The following MSANTD3 variants were observed in gnomAD, a reference collection of about 807,000 sequenced individuals.
MSANTD3 encodes the protein myb/SANT-like DNA-binding domain-containing protein 3.
In MSANTD3, 11 loss-of-function variants were observed where a neutral mutation model predicts 27.7. The ratio of observed to expected loss-of-function variants is 0.40; its 90% CI spans 0.25 to 0.66. The LOEUF is 0.66. Among genes scored for constraint, MSANTD3 ranks in the 30% least tolerant of loss-of-function variants. The pLI is 0.41. For synonymous variants in MSANTD3, 131 were observed against 127.2 expected (o/e 1.03, Z -0.20); for missense variants, 250 against 336.5 (o/e 0.74, Z 2.01).
intron 2 of MSANTD3, among the ~76,000 whole-genome samples, chr9:100,443,395 A>G (rs10114432): frequency 1 from 149,604 of 150,236 alleles, 74,488 homozygotes; most frequent in Middle Eastern, 1. Flanking sequence ...GCAAAACTCC[A>G]TCTCAAAAAA....
intron 1 of MSANTD3, among the ~76,000 whole-genome samples, chr9:100,436,743 G>C (rs766242878): frequency 5.9e-4 from 90 of 152,286 alleles, no homozygotes; most frequent in Non-Finnish European, 1.1e-3. Context: ...CAAGCGGAAT[G>C]CCAGCATTCC....
In MSANTD3 at chr9:100,451,580, T is replaced by C. The variant is rs1003849201; in HGVS notation, c.*614T>C. ...TCTAATGTGGCTCATAAACCACCTT[T>C]TAAGGCCTTTCCTCAAACAGGAGTT... On this transcript the variant is annotated 3_prime_UTR_variant, in exon 3 of 3. Coordinates refer to ENST00000395067, the MANE Select transcript of MSANTD3 (RefSeq NM_080655.3). 1 of 152,076 alleles carries C rather than the reference T, an allele frequency of 6.6e-6. No individual in the cohort carries two copies. The highest frequency in any genetic ancestry group is 2.4e-5 in the African/African-American group (1 of 41,406). The allele number at this position is 152,076 out of a possible 1,614,324, so 9.4% of individuals were successfully genotyped here. A position where few individuals can be genotyped will look rare whatever the true frequency, so the allele number is the denominator to read the frequency against.
At chr9:100,431,696 C>T (rs1389656208) in intron 1 of MSANTD3, among the ~76,000 whole-genome samples, 1 of 152,134 alleles carries the variant, frequency 6.6e-6, no homozygotes, top group Non-Finnish European at 1.5e-5. Context: ...CCTCGGAGCT[C>T]ACCGTCAGAT....
rs1404461102 is a variant in MSANTD3 at position 100,442,150 on chromosome 9, A to G, written c.212A>G (p.Lys71Arg). The G allele has an allele frequency of 1.9e-6, 3 of 1,614,246 alleles. No individual in the cohort carries two copies. The highest frequency in any genetic ancestry group is 1.7e-5 in the Admixed American group (1 of 60,028). The change falls in exon 2 of 3, where the codon AAG (lysine) becomes AGG (arginine). Residue 71 changes from lysine to arginine, a missense_variant. Transcript: ENST00000395067. The stretch of plus-strand genomic sequence containing the variant: ...TCCCTGCGGGATTTCAAACAGCTGA[A>G]GAAGTGCTGGGAGAACATCAAGGCT... ...SVSLRDFKQLKKCWENIKART... is the reference protein window; with the variant it reads ...SVSLRDFKQLRKCWENIKART...
intron 2 of MSANTD3, among the ~76,000 whole-genome samples, chr9:100,446,755 A>C (rs940389669): frequency 6.6e-6 from 1 of 151,496 alleles, no homozygotes; most frequent in African/African-American, 2.4e-5. Context: ...TGAACCCTGG[A>C]GGCGGAGATT....
chr9:100,445,261 T>C (rs747008349), intron 2 of MSANTD3: 2 of 1,301,468 alleles, frequency 1.5e-6, no homozygotes, highest in Admixed American at 1.7e-5. Flanking sequence ...TATAGAGTTA[T>C]GGCCCTCATT....
intron 1 of MSANTD3, among the ~76,000 whole-genome samples, chr9:100,429,945 T>C (rs1836332041): frequency 6.6e-6 from 1 of 152,138 alleles, no homozygotes; most frequent in East Asian, 1.9e-4. Flanking sequence ...TCAGGTGATC[T>C]GCCCACCTTG....
At chr9:100,449,341 A>G (rs139174530) in intron 2 of MSANTD3, among the ~76,000 whole-genome samples, 31 of 152,358 alleles carry the variant, frequency 2.0e-4, no homozygotes, top group African/African-American at 7.2e-4. Context: ...AACATTTACT[A>G]GGCATCCATT....
Position 100,446,825 on chromosome 9 carries a change from TAA to T in MSANTD3, c.419-3718_419-3717del, listed in dbSNP as rs34205662. On this transcript the variant is annotated intron_variant, in intron 2 of 2. Transcript: ENST00000395067. ...CTGGGTGACAGAGCCAGACTTCGTC[TAA>T]AAAAAAAAAAAAAGATCAATTCCCA... Among the ~76,000 whole-genome samples, 29 of 141,526 alleles carry T rather than the reference TAA, an allele frequency of 2.0e-4. 1 individual carries two copies. Among genetic ancestry groups the T allele is most frequent in the Admixed American group, 2.8e-4 (4 of 14,140 alleles). 92.8% of individuals were successfully genotyped at this position (141,526 alleles called of 152,430 possible).
chr9:100,428,576 C>A (rs904650295), intron 1 of MSANTD3, among the ~76,000 whole-genome samples: 4 of 152,000 alleles, frequency 2.6e-5, no homozygotes. Flanking sequence ...CGTAGAGACC[C>A]GGGCTAGGGG....
intron 1 of MSANTD3, among the ~76,000 whole-genome samples, chr9:100,427,918 T>A (rs1193774429): frequency 1.3e-5 from 2 of 151,924 alleles, no homozygotes; most frequent in Non-Finnish European, 2.9e-5. Context: ...GAGCCGGGGC[T>A]ACTGTTTCTG....
At chr9:100,428,363 A>G (rs559454653) in intron 1 of MSANTD3, among the ~76,000 whole-genome samples, 3 of 152,304 alleles carry the variant, frequency 2.0e-5, no homozygotes, top group South Asian at 4.1e-4. Context: ...ATTGTATTCC[A>G]AGGAAATTGC....
intron 1 of MSANTD3, among the ~76,000 whole-genome samples, chr9:100,431,973 G>C (rs771769403): frequency 6.6e-6 from 1 of 152,114 alleles, no homozygotes; most frequent in Non-Finnish European, 1.5e-5. Context: ...GGAAGCCGTG[G>C]GTGGGGATGG....
chr9:100,442,427 C>T, intron 2 of MSANTD3, 71 bp downstream of exon 2: 1 of 1,512,500 alleles, frequency 6.6e-7, no homozygotes, highest in South Asian at 1.3e-5. Flanking sequence ...TTAAAACCCT[C>T]CACTTTGAGG....
intron 1 of MSANTD3, among the ~76,000 whole-genome samples, chr9:100,428,752 T>C (rs963517573): frequency 1.3e-5 from 2 of 152,212 alleles, no homozygotes; most frequent in African/African-American, 4.8e-5. Flanking sequence ...ATGGGGATGC[T>C]TGCCAGCCCT....
At chr9:100,445,757 C>A (rs1836738787) in intron 2 of MSANTD3, among the ~76,000 whole-genome samples, 1 of 152,158 alleles carries the variant, frequency 6.6e-6, no homozygotes, top group Non-Finnish European at 1.5e-5. Context: ...CTCCCTGCAA[C>A]TACTTTTTGG....
chr9:100,439,502 AT>A (rs963153066), intron 1 of MSANTD3, among the ~76,000 whole-genome samples: 93 of 144,328 alleles, frequency 6.4e-4, no homozygotes, highest in Admixed American at 1.1e-3. Flanking sequence ...TTGGTTCCTA[AT>A]TTTTTTTTTT....
chr9:100,441,245 G>C (rs1411648333), intron 1 of MSANTD3, among the ~76,000 whole-genome samples: 2 of 151,976 alleles, frequency 1.3e-5, no homozygotes, highest in Non-Finnish European at 2.9e-5. Flanking sequence ...CCTCAGCTGT[G>C]ACAAAAGTTT....
chr9:100,436,229 G>A (rs997147529), intron 1 of MSANTD3, among the ~76,000 whole-genome samples: 2 of 152,144 alleles, frequency 1.3e-5, no homozygotes, highest in African/African-American at 4.8e-5. Context: ...GCTCACTGTA[G>A]CCTCTAACTC....
Sources: allele counts gnomAD v4.1 joint callset (sites outside exome capture counted in the v4.1 genomes callset), GRCh38; gene constraint gnomAD v4.1.1; transcripts MANE v1.5; gene names NCBI Gene and HGNC (gene_info 2026-07-23, HGNC 2026-07-21).